Variants in STXBP4 observed in about 807,000 individuals in gnomAD.
STXBP4 encodes the protein syntaxin-binding protein 4.
A neutral mutation model predicts 76.1 loss-of-function variants in STXBP4; 55 were observed. That is an observed-to-expected ratio of 0.72 (90% confidence interval 0.58 to 0.91). STXBP4 has a LOEUF of 0.91. Among genes scored for constraint, STXBP4 ranks in the 40% least tolerant of loss-of-function variants. The pLI is 0.00. For missense variants in STXBP4, 618 were observed against 636.9 expected (o/e 0.97, Z 0.32); for synonymous variants, 201 against 220.2 (o/e 0.91, Z 0.77).
chr17:55,156,894 A>G lies in STXBP4; in HGVS notation c.1548-2903A>G, dbSNP rs1406552478. Among the ~76,000 whole-genome samples, 5 of 152,348 alleles carry G rather than the reference A, an allele frequency of 3.3e-5. No individual in the cohort carries two copies. The East Asian group carries it at 7.7e-4, about 23-fold the overall frequency. The stretch of plus-strand genomic sequence containing the variant: ...ATGAAGGTTACTGGCAAAGATGACC[A>G]TCTGGTAGAACTTTCTGATATTCAC... On this transcript the variant is annotated intron_variant, in intron 17 of 17. Coordinates refer to ENST00000376352, the MANE Select transcript of STXBP4 (RefSeq NM_178509.6).
chr17:54,975,989 C>G (rs1435864259), intron 1 of STXBP4, among the ~76,000 whole-genome samples: 2 of 152,120 alleles, frequency 1.3e-5, no homozygotes, highest in African/African-American at 4.8e-5. Flanking sequence ...AAATCTAGTT[C>G]ATTTAATTGT....
At chr17:55,025,010 G>T (rs1230285991) in intron 8 of STXBP4, among the ~76,000 whole-genome samples, 1 of 151,918 alleles carries the variant, frequency 6.6e-6, no homozygotes, top group Non-Finnish European at 1.5e-5. Context: ...GCATGGTGGC[G>T]GGTGCCTGTA....
rs1330688840 is a variant in STXBP4 at position 55,081,018 on chromosome 17, G to T, written c.1356-32G>T. On this transcript the variant is annotated intron_variant, in intron 15 of 17. Coordinates refer to ENST00000376352, the MANE Select transcript of STXBP4 (RefSeq NM_178509.6). ...AAAGATAGATGTTGTTTATTGTGTA[G>T]TAAGTTCAACTTTATTTTATTGCCT... is the stretch of plus-strand genomic sequence containing the variant. 4 of 1,418,766 alleles carry T rather than the reference G, an allele frequency of 2.8e-6. No individual in the cohort carries two copies. In the African/African-American group the frequency reaches 5.9e-5, roughly 21 times the overall value. The allele number at this position is 1,418,766 out of a possible 1,614,324, so 87.9% of individuals were successfully genotyped here.
At chr17:55,060,431 G>T (rs1249357706) in intron 12 of STXBP4, among the ~76,000 whole-genome samples, 1 of 151,942 alleles carries the variant, frequency 6.6e-6, no homozygotes, top group African/African-American at 2.4e-5. Flanking sequence ...AATTTAAATG[G>T]TGTGAAATTT....
intron 1 of STXBP4, among the ~76,000 whole-genome samples, chr17:54,978,054 A>G (rs1026745736): frequency 6.6e-6 from 1 of 152,070 alleles, no homozygotes; most frequent in Non-Finnish European, 1.5e-5. Context: ...ACTGCAGCCT[A>G]CCCCATCCCA....
chr17:55,015,016 C>G (rs1226240645), intron 8 of STXBP4, among the ~76,000 whole-genome samples: 2 of 151,994 alleles, frequency 1.3e-5, no homozygotes, highest in African/African-American at 2.4e-5. Context: ...AAGTTTTGCT[C>G]TGGGCGTAAG....
intron 7 of STXBP4, among the ~76,000 whole-genome samples, chr17:55,004,713 GAGA>G (rs1218616070): frequency 6.6e-6 from 1 of 151,444 alleles, no homozygotes; most frequent in African/African-American, 2.4e-5. Flanking sequence ...CTAAAGAAAG[GAGA>G]AGGAGGAGGA....
At chr17:55,107,728 G>T (rs910646455) in intron 16 of STXBP4, among the ~76,000 whole-genome samples, 4 of 152,194 alleles carry the variant, frequency 2.6e-5, no homozygotes, top group Non-Finnish European at 5.9e-5. Flanking sequence ...GACCCTATTT[G>T]CCTGGGTATC....
rs2080360793 is a variant in STXBP4, at chr17:55,164,083, C to G, written c.*4172C>G. 6.6e-6 allele frequency: 1 copy of G among 152,506 alleles called. No individual in the cohort carries two copies. Among genetic ancestry groups the G allele is most frequent in the Admixed American group, 6.5e-5 (1 of 15,280 alleles). The allele number at this position is 152,506 out of a possible 1,614,324, so 9.4% of individuals were successfully genotyped here. A position where few individuals can be genotyped will look rare whatever the true frequency, so the allele number is the denominator to read the frequency against. The stretch of plus-strand genomic sequence containing the variant: ...TGAACTATTATTAAAACAACTTACA[C>G]ACTCCATTGCTTATAACTTTTGAGA... On this transcript the variant is annotated 3_prime_UTR_variant, in exon 18 of 18. Coordinates refer to ENST00000376352, the MANE Select transcript of STXBP4 (RefSeq NM_178509.6).
the STXBP4 span, among the ~76,000 whole-genome samples, chr17:55,207,896 G>C: frequency 1.3e-5 from 2 of 152,100 alleles, no homozygotes; most frequent in African/African-American, 4.8e-5. Context: ...TTGCAGGCCA[G>C]TGTGAATGGT....
chr17:55,102,522 A>G (rs970079712), intron 16 of STXBP4, among the ~76,000 whole-genome samples: 4 of 152,136 alleles, frequency 2.6e-5, no homozygotes, highest in Admixed American at 1.3e-4. Context: ...TATCCAGTCT[A>G]TCATTGATGG....
At chr17:55,140,945 G>A (rs2080088433) in intron 16 of STXBP4, among the ~76,000 whole-genome samples, 1 of 152,144 alleles carries the variant, frequency 6.6e-6, no homozygotes, top group Admixed American at 6.6e-5. Context: ...AAGAAACTTT[G>A]AGCCAGAATA....
intron 12 of STXBP4, among the ~76,000 whole-genome samples, chr17:55,049,785 T>A (rs1412486817): frequency 1.3e-4 from 19 of 151,986 alleles, no homozygotes; most frequent in Non-Finnish European, 2.6e-4. Context: ...TTTCAAAAAA[T>A]ATAGTTTGCC....
chr17:55,050,073 G>A (rs2078840520), intron 12 of STXBP4, among the ~76,000 whole-genome samples: 1 of 152,150 alleles, frequency 6.6e-6, no homozygotes, highest in African/African-American at 2.4e-5. Context: ...GACTAGAAAA[G>A]CAATTAGAGG....
In STXBP4 at chr17:55,161,350, T is replaced by C. The variant is rs1389435331; in HGVS notation, c.*1439T>C. On this transcript the variant is annotated 3_prime_UTR_variant, in exon 18 of 18. Coordinates refer to ENST00000376352, the MANE Select transcript of STXBP4 (RefSeq NM_178509.6). ...GTGTTTTGCCTGACAGCCATTTGAA[T>C]GTTAGGAAGCTTCGGGGAGACAAGT... 6.6e-6 allele frequency: 1 copy of C among 152,178 alleles called. No homozygotes were observed. Among genetic ancestry groups the C allele is most frequent in the Non-Finnish European group, 1.5e-5 (1 of 68,038 alleles). The allele number at this position is 152,178 out of a possible 1,614,324, so 9.4% of individuals were successfully genotyped here.
intron 12 of STXBP4, among the ~76,000 whole-genome samples, chr17:55,063,139 C>T (rs924079453): frequency 1.3e-5 from 2 of 152,182 alleles, no homozygotes; most frequent in Admixed American, 6.5e-5. Flanking sequence ...GCTGGCATTC[C>T]TGTTTGCGCA....
At chr17:55,095,524 C>T (rs1359957112) in intron 16 of STXBP4, among the ~76,000 whole-genome samples, 3 of 152,142 alleles carry the variant, frequency 2.0e-5, no homozygotes, top group Admixed American at 2.0e-4. Flanking sequence ...AAAATGTGTG[C>T]AGTAACAGTC....
chr17:55,148,348 T>A (rs2080179337), intron 17 of STXBP4, among the ~76,000 whole-genome samples: 1 of 152,196 alleles, frequency 6.6e-6, no homozygotes, highest in African/African-American at 2.4e-5. Flanking sequence ...AAGACAAGAA[T>A]TTTAAATTAT....
rs2080387852 is a variant in STXBP4 at position 55,168,247 on chromosome 17, CA to C, written c.*8337del. 4.0e-4 allele frequency: 2 copies of C among 5,030 alleles called. No individual in the cohort carries two copies. The highest frequency in any genetic ancestry group is 2.2e-3 in the African/African-American group (1 of 446). 0.3% of individuals were successfully genotyped at this position (5,030 alleles called of 1,614,324 possible). On this transcript the variant is annotated 3_prime_UTR_variant, in exon 18 of 18. Coordinates refer to ENST00000376352, the MANE Select transcript of STXBP4 (RefSeq NM_178509.6). ...TATATATCTGTGTGTATATACACAC[CA>C]CACACACACACACACACACGTATTG...
Sources: gnomAD v4.1 joint callset for allele counts (sites outside exome capture counted in the v4.1 genomes callset) on GRCh38, gnomAD v4.1.1 for gene constraint, MANE v1.5 for transcripts, NCBI Gene and HGNC (gene_info 2026-07-23, HGNC 2026-07-21) for gene names.